The following ZNF704 variants were observed in gnomAD, a reference collection of about 807,000 sequenced individuals.
ZNF704 encodes the protein zinc finger protein 704, also known as glucocorticoid induced gene 1.
In ZNF704, 10 loss-of-function variants were observed where a neutral mutation model predicts 44.7. The ratio of observed to expected loss-of-function variants is 0.22; its 90% CI spans 0.14 to 0.38. The LOEUF is 0.38. Among genes scored for constraint, ZNF704 ranks in the 10% least tolerant of loss-of-function variants. The pLI, the probability that ZNF704 is intolerant of heterozygous loss-of-function variation, is 1.00. For missense variants in ZNF704, 390 were observed against 545.5 expected (o/e 0.71, Z 2.84); for synonymous variants, 211 against 207.6 (o/e 1.02, Z -0.14).
intron 2 of ZNF704, among the ~76,000 whole-genome samples, chr8:80,762,640 A>C (rs1807152042): frequency 2.0e-5 from 3 of 152,180 alleles, no homozygotes; most frequent in Admixed American, 1.3e-4. Flanking sequence ...GGACATAGCC[A>C]AACCATATTA....
At position 80,802,539 on chromosome 8, in the gene ZNF704, A is replaced by G. The variant is rs576961880; in HGVS notation, c.221+18835T>C. Among the ~76,000 whole-genome samples, 75 of 152,318 alleles carry G rather than the reference A, an allele frequency of 4.9e-4. No individual in the cohort carries two copies. The South Asian group carries it at 0.014, about 29-fold the overall frequency. ...AGGATGCAAGGTCGGTTCGACATAC[A>G]CAAACCAATAAATGTGATTCATCAC... is the stretch of plus-strand genomic sequence containing the variant. On this transcript the variant is annotated intron_variant, in intron 2 of 8. Transcript: ENST00000327835.
At chr8:80,710,048 A>T (rs1393304726) in intron 2 of ZNF704, among the ~76,000 whole-genome samples, 2 of 152,246 alleles carry the variant, frequency 1.3e-5, no homozygotes, top group East Asian at 3.9e-4. Flanking sequence ...TTGTCTGCTT[A>T]TGTGCTTTTC....
At chr8:80,764,346 C>G (rs1807191168) in intron 2 of ZNF704, among the ~76,000 whole-genome samples, 3 of 152,178 alleles carry the variant, frequency 2.0e-5, no homozygotes, top group African/African-American at 7.2e-5. Flanking sequence ...GAAGGGGAAG[C>G]AAGGACCTTC....
At chr8:80,809,311 C>T (rs959872226) in intron 2 of ZNF704, among the ~76,000 whole-genome samples, 1 of 152,166 alleles carries the variant, frequency 6.6e-6, no homozygotes, top group African/African-American at 2.4e-5. Flanking sequence ...CAAAACAAAA[C>T]TCTCACATCC....
At chr8:80,695,426 G>C (rs147454786) in intron 2 of ZNF704, among the ~76,000 whole-genome samples, 185 of 152,326 alleles carry the variant, frequency 1.2e-3, no homozygotes, top group Non-Finnish European at 2.1e-3. Context: ...AAAGGTTTAA[G>C]AACCAGGATA....
chr8:80,714,205 C>T (rs1819036573), intron 2 of ZNF704, among the ~76,000 whole-genome samples: 1 of 152,168 alleles, frequency 6.6e-6, no homozygotes, highest in Non-Finnish European at 1.5e-5. Flanking sequence ...AAAACCTTTT[C>T]CTGACTCTTG....
chr8:80,804,176 A>G (rs1228877488), intron 2 of ZNF704, among the ~76,000 whole-genome samples: 1 of 152,208 alleles, frequency 6.6e-6, no homozygotes, highest in Admixed American at 6.5e-5. Context: ...GTTAAAGAAC[A>G]ATAGATGCTG....
chr8:80,838,848 G>C (rs1323418047), intron 1 of ZNF704, among the ~76,000 whole-genome samples: 1 of 151,460 alleles, frequency 6.6e-6, no homozygotes, highest in Non-Finnish European at 1.5e-5. Flanking sequence ...AGGAGGAAGA[G>C]GGGAGCAGAC....
At chr8:80,647,011 G>A (rs79237313) in intron 7 of ZNF704, among the ~76,000 whole-genome samples, 8,440 of 152,254 alleles carry the variant, frequency 0.055, 260 homozygotes, top group Middle Eastern at 0.092. Flanking sequence ...CCTTTTGCAT[G>A]AAGTGATATG....
chr8:80,866,724 G>A (rs780351925), intron 1 of ZNF704, among the ~76,000 whole-genome samples: 5 of 152,084 alleles, frequency 3.3e-5, no homozygotes, highest in Non-Finnish European at 7.4e-5. Context: ...GCGGGGTTGG[G>A]GGGGGGATAC....
At chr8:80,832,288 C>T (rs1041845967) in intron 1 of ZNF704, among the ~76,000 whole-genome samples, 11 of 151,950 alleles carry the variant, frequency 7.2e-5, no homozygotes, top group African/African-American at 2.4e-4. Context: ...TTTGTAAATT[C>T]GATGCAACTT....
At chr8:80,843,969 G>C (rs201664681) in intron 1 of ZNF704, among the ~76,000 whole-genome samples, 1 of 130,522 alleles carries the variant, frequency 7.7e-6, no homozygotes, top group Admixed American at 7.3e-5. Context: ...GTATATATAT[G>C]TGTATATATA....
At chr8:80,736,877 G>A (rs1806675990) in intron 2 of ZNF704, among the ~76,000 whole-genome samples, 2 of 151,698 alleles carry the variant, frequency 1.3e-5, no homozygotes, top group Admixed American at 1.3e-4. Context: ...ATTGGTGCTT[G>A]TGTCCCATCC....
intron 2 of ZNF704, among the ~76,000 whole-genome samples, chr8:80,734,951 A>G (rs1275193483): frequency 6.6e-6 from 1 of 152,062 alleles, no homozygotes; most frequent in African/African-American, 2.4e-5. Flanking sequence ...CTACTGTTTT[A>G]TTCTTTTCAA....
chr8:80,869,713 T>C (rs1397314055), intron 1 of ZNF704, among the ~76,000 whole-genome samples: 4 of 152,182 alleles, frequency 2.6e-5, no homozygotes, highest in African/African-American at 9.7e-5. Context: ...TCTCCTTAGG[T>C]TGTGGGTGGA....
chr8:80,679,012 A>T (rs73271047), intron 4 of ZNF704, among the ~76,000 whole-genome samples: 25,625 of 152,010 alleles, frequency 0.17, 4,315 homozygotes, highest in African/African-American at 0.44. Flanking sequence ...AAGTTACCCT[A>T]TCTGTTGGGT....
intron 1 of ZNF704, among the ~76,000 whole-genome samples, chr8:80,844,438 GA>G (rs1291777423): frequency 2.0e-5 from 3 of 152,126 alleles, no homozygotes; most frequent in Non-Finnish European, 2.9e-5. Flanking sequence ...CCCCATTCAT[GA>G]GAGTTTCACC....
At chr8:80,764,655 A>G (rs1353996821) in intron 2 of ZNF704, among the ~76,000 whole-genome samples, 1 of 152,180 alleles carries the variant, frequency 6.6e-6, no homozygotes, top group African/African-American at 2.4e-5. Context: ...TGTGGTCTGC[A>G]AATTTTCTAT....
intron 2 of ZNF704, among the ~76,000 whole-genome samples, chr8:80,774,050 CTTTT>C (rs113962202): frequency 7.0e-6 from 1 of 142,920 alleles, no homozygotes. Context: ...TTTAAATCTT[CTTTT>C]TTTTTTTTTT....
Sources: allele counts gnomAD v4.1 joint callset (sites outside exome capture counted in the v4.1 genomes callset), GRCh38; gene constraint gnomAD v4.1.1; transcripts MANE v1.5; gene names NCBI Gene and HGNC (gene_info 2026-07-23, HGNC 2026-07-21).